The following TYW1B variants were observed in gnomAD, a reference collection of about 807,000 sequenced individuals.
TYW1B encodes the protein tRNA-yW synthesizing protein 1 homolog B.
TYW1B carries 73 observed loss-of-function variants against 86.9 expected under a neutral mutation model. The observed-to-expected ratio is 0.84, with a 90% confidence interval of 0.70 to 1.02. The LOEUF is 1.02. Among genes scored for constraint, TYW1B ranks in the 50% least tolerant of loss-of-function variants. The pLI is 0.00. For missense variants in TYW1B, 637 were observed against 827.4 expected (o/e 0.77, Z 2.82); for synonymous variants, 248 against 292.8 (o/e 0.85, Z 1.56).
chr7:72,576,885 C>T (rs540851099), intron 13 of TYW1B, among the ~76,000 whole-genome samples: 141 of 151,792 alleles, frequency 9.3e-4, no homozygotes, highest in African/African-American at 3.3e-3. Flanking sequence ...CCAGCACTTT[C>T]AAAGGCCGAG....
At chr7:72,711,431 T>C (rs1786659517) in intron 10 of TYW1B, among the ~76,000 whole-genome samples, 1 of 148,516 alleles carries the variant, frequency 6.7e-6, no homozygotes. Flanking sequence ...AATAAACCTG[T>C]TAACTGTTAA....
At position 72,731,128 on chromosome 7, in the gene TYW1B, A is replaced by G. The variant is rs1787099030; in HGVS notation, c.1083-2197T>C. 3.4e-5 allele frequency among the ~76,000 whole-genome samples: 5 copies of G among 148,040 alleles called. No individual in the cohort carries two copies. The South Asian group carries it at 1.1e-3, about 31-fold the overall frequency. ...GGATGATATATTCTAAGGGCTGGAA[A>G]AAAAAAAAAAAAAAAAAAAGACCAC... On this transcript the variant is annotated intron_variant, in intron 8 of 13. Coordinates refer to ENST00000620995, the MANE Select transcript of TYW1B (RefSeq NM_001145440.3).
At chr7:72,611,465 T>G (rs1811930304) in intron 13 of TYW1B, among the ~76,000 whole-genome samples, 1 of 152,038 alleles carries the variant, frequency 6.6e-6, no homozygotes, top group South Asian at 2.1e-4. Flanking sequence ...ATAAGGCTCA[T>G]GAGATCCGAT....
intron 12 of TYW1B, among the ~76,000 whole-genome samples, chr7:72,623,919 A>C (rs1812283121): frequency 6.6e-6 from 1 of 152,044 alleles, no homozygotes; most frequent in African/African-American, 2.4e-5. Context: ...CTCATGCCTC[A>C]GCCTCCTGAG....
intron 7 of TYW1B, among the ~76,000 whole-genome samples, chr7:72,763,055 C>T (rs539544040): frequency 1.3e-5 from 2 of 152,042 alleles, no homozygotes; most frequent in Admixed American, 6.6e-5. Flanking sequence ...TTCAAGTACA[C>T]TTTTAATCAG....
chr7:72,726,254 T>C (rs1385577261), intron 9 of TYW1B, among the ~76,000 whole-genome samples: 2 of 152,248 alleles, frequency 1.3e-5, no homozygotes, highest in South Asian at 2.1e-4. Context: ...ATTAGCATCT[T>C]TGTAAATGTA....
intron 2 of TYW1B, chr7:72,823,314 C>CT (rs1788866617): frequency 6.6e-6 from 1 of 151,590 alleles, no homozygotes; most frequent in Non-Finnish European, 1.5e-5. Context: ...GGGCCAAGAC[C>CT]TTGTCTCTTA....
In TYW1B at chr7:72,807,253, A is replaced by G. The variant is rs376927077; in HGVS notation, c.536T>C (p.Ile179Thr). Residue 179 changes from isoleucine to threonine, a missense_variant, in exon 5 of 14, where the codon ATT (isoleucine) becomes ACT (threonine). By Grantham distance (89) the Ile-to-Thr change is moderately conservative. Transcript: ENST00000620995. ...CTTCCATGCTCTGAAGTTGGCCTCA[A>G]TGCTGCCGTGCTTGCTTTTAACCAC... ...CDVVKSKHGS[I>T]EANFRAWKTK... 92 of 1,614,134 alleles carry G rather than the reference A, an allele frequency of 5.7e-5. No homozygotes were observed. In the African/African-American group the frequency reaches 1.2e-3, roughly 20 times the overall value.
intron 8 of TYW1B, among the ~76,000 whole-genome samples, chr7:72,733,159 A>AACACACACACACACAC (rs145935571): frequency 1.1e-4 from 16 of 147,208 alleles, no homozygotes; most frequent in South Asian, 6.5e-4. Context: ...CCAAACCTAA[A>AACACACACACACACAC]ACACACACAC....
chr7:72,604,419 G>A (rs577697588), intron 13 of TYW1B, among the ~76,000 whole-genome samples: 2 of 152,092 alleles, frequency 1.3e-5, no homozygotes, highest in African/African-American at 2.4e-5. Flanking sequence ...CTGAGATCAC[G>A]CCACTGCACT....
At position 72,760,490 on chromosome 7, in the gene TYW1B, A is replaced by G. The variant is rs541223258; in HGVS notation, c.965-15889T>C. On this transcript the variant is annotated intron_variant, in intron 7 of 13. Transcript: ENST00000620995. ...TGATGAAAATTCAAAAATGAAAACT[A>G]TAAGATCTTTATTTGTGTGCATATT... Among the ~76,000 whole-genome samples, 23 of 152,330 alleles carry G rather than the reference A, an allele frequency of 1.5e-4. 1 individual carries two copies. Among genetic ancestry groups the G allele is most frequent in the Admixed American group, 1.4e-3 (22 of 15,286 alleles).
At chr7:72,636,179 T>C (rs1431658545) in intron 11 of TYW1B, among the ~76,000 whole-genome samples, 1 of 152,204 alleles carries the variant, frequency 6.6e-6, no homozygotes, top group African/African-American at 2.4e-5. Context: ...CTAGGTAATA[T>C]ACTTTTGATG....
intron 13 of TYW1B, among the ~76,000 whole-genome samples, chr7:72,602,498 A>G (rs1409254180): frequency 6.6e-6 from 1 of 152,164 alleles, no homozygotes; most frequent in Middle Eastern, 3.2e-3. Flanking sequence ...GCCTAAAAAG[A>G]CAGCCCAACA....
intron 11 of TYW1B, among the ~76,000 whole-genome samples, chr7:72,646,168 C>T (rs1174154293): frequency 1.3e-4 from 20 of 151,782 alleles, no homozygotes; most frequent in Non-Finnish European, 2.5e-4. Flanking sequence ...GATTCTCCTA[C>T]CTCAGCCTCC....
chr7:72,749,013 T>C (rs1333842824), intron 7 of TYW1B, among the ~76,000 whole-genome samples: 1 of 152,158 alleles, frequency 6.6e-6, no homozygotes, highest in Non-Finnish European at 1.5e-5. Flanking sequence ...GCATTAATTC[T>C]TCATTAAATA....
rs1255353268 is a variant in TYW1B at position 72,824,381 on chromosome 7, C to T, written c.135+2474G>A. 1.1e-4 allele frequency among the ~76,000 whole-genome samples: 17 copies of T among 152,192 alleles called. No homozygotes were observed. In the South Asian group the frequency reaches 2.7e-3, roughly 24 times the overall value. ...TTTGAGGGCCAAGGTGGGTGAATAT[C>T]TTGAAGCCAGGAATTCAAGACCAGC... On this transcript the variant is annotated intron_variant, in intron 2 of 13. Transcript: ENST00000620995.
intron 8 of TYW1B, among the ~76,000 whole-genome samples, chr7:72,738,759 G>A (rs1787246360): frequency 6.6e-6 from 1 of 151,990 alleles, no homozygotes; most frequent in African/African-American, 2.4e-5. Context: ...CACATCTCTA[G>A]ATAACTAAAA....
At chr7:72,650,399 G>A (rs1554442631) in intron 11 of TYW1B, among the ~76,000 whole-genome samples, 2 of 152,212 alleles carry the variant, frequency 1.3e-5, no homozygotes, top group Admixed American at 6.5e-5. Context: ...CTTTATGTCT[G>A]ACACATAAGA....
At chr7:72,716,099 G>A (rs549937902) in intron 9 of TYW1B, among the ~76,000 whole-genome samples, 28 of 152,140 alleles carry the variant, frequency 1.8e-4, no homozygotes, top group African/African-American at 4.6e-4. Context: ...CACCATGCCC[G>A]GCTAATTTTT....
Sources: allele counts gnomAD v4.1 joint callset (sites outside exome capture counted in the v4.1 genomes callset), GRCh38; gene constraint gnomAD v4.1.1; transcripts MANE v1.5; gene names NCBI Gene and HGNC (gene_info 2026-07-23, HGNC 2026-07-21).